The following SLC35F1 variants were observed in gnomAD, a reference collection of about 807,000 sequenced individuals.
The protein encoded by SLC35F1 is solute carrier family 35 member F1, also known as chromosome 6 open reading frame 169.
A neutral mutation model predicts 48.7 loss-of-function variants in SLC35F1; 14 were observed. The ratio of observed to expected loss-of-function variants is 0.29; its 90% confidence interval spans 0.19 to 0.45. The LOEUF is 0.45. Ranked by LOEUF, SLC35F1 falls within the 20% of genes least tolerant of loss-of-function variation. The pLI is 1.00. For synonymous variants in SLC35F1, 190 were observed against 202.2 expected, an observed-to-expected ratio of 0.94 and a Z score of 0.51; for missense variants, 404 against 500.0, an observed-to-expected ratio of 0.81 and a Z score of 1.83.
rs149078036 is a variant in SLC35F1, at chr6:118,239,889, C to A, written c.477+4253C>A. On this transcript the variant is annotated intron_variant, in intron 3 of 7. Coordinates refer to ENST00000360388, the MANE Select transcript of SLC35F1 (RefSeq NM_001029858.4). ...ATTTTTCCACCTATAACAAATAAAT[C>A]TATTAAATAATAAGTGATCAGAACA... Among the ~76,000 whole-genome samples, 15 of 152,234 alleles carry A rather than the reference C, an allele frequency of 9.9e-5. No homozygotes were observed. The East Asian group carries it at 2.9e-3, about 29-fold the overall frequency.
intron 2 of SLC35F1, among the ~76,000 whole-genome samples, chr6:118,230,459 A>G (rs1775278353): frequency 6.6e-6 from 1 of 152,250 alleles, no homozygotes; most frequent in African/African-American, 2.4e-5. Flanking sequence ...CTCATAAAAC[A>G]TAATAGTAGA....
chr6:118,192,421 A>G (rs1390103070), intron 2 of SLC35F1, among the ~76,000 whole-genome samples: 1 of 152,148 alleles, frequency 6.6e-6, no homozygotes, highest in Non-Finnish European at 1.5e-5. Context: ...TGTATTCAAG[A>G]GTGCTTTTCA....
rs1245869605 is a variant in SLC35F1, at chr6:117,980,293, A to G, written c.173+72394A>G. 2.0e-5 allele frequency among the ~76,000 whole-genome samples: 3 copies of G among 152,320 alleles called. No individual in the cohort carries two copies. The South Asian group carries it at 6.2e-4, about 32-fold the overall frequency. On this transcript the variant is annotated intron_variant, in intron 1 of 7. Transcript: ENST00000360388. ...CTGGGATTCCAGGATGCACATCATT[A>G]AAGAAATGTAAGGGGTGGCAGGAGG...
intron 2 of SLC35F1, among the ~76,000 whole-genome samples, chr6:118,215,505 A>C (rs1295820861): frequency 4.6e-5 from 7 of 151,872 alleles, no homozygotes; most frequent in Non-Finnish European, 1.0e-4. Flanking sequence ...AGAGGAGCTC[A>C]TGAGTGTTTT....
In SLC35F1 at chr6:117,999,123, A is replaced by G. The variant is rs978234445; in HGVS notation, c.173+91224A>G. On this transcript the variant is annotated intron_variant, in intron 1 of 7. Coordinates refer to ENST00000360388, the MANE Select transcript of SLC35F1 (RefSeq NM_001029858.4). ...AACATGCGCTTTGCCAAGAAGCACA[A>G]CAAAAAGGGCCTAAAGAAGATGCAG... The G allele has an allele frequency of 6.5e-5, 103 of 1,590,614 alleles. No individual in the cohort carries two copies. The Admixed American group carries it at 1.7e-3, about 26-fold the overall frequency.
intron 1 of SLC35F1, among the ~76,000 whole-genome samples, chr6:117,954,233 A>G (rs932993373): frequency 2.6e-5 from 4 of 152,132 alleles, no homozygotes; most frequent in African/African-American, 9.7e-5. Flanking sequence ...ATGGTGACCA[A>G]GAAGACAAGA....
intron 6 of SLC35F1, among the ~76,000 whole-genome samples, chr6:118,281,192 C>CTT (rs1775979391): frequency 1.6e-5 from 2 of 123,294 alleles, no homozygotes; most frequent in Non-Finnish European, 3.6e-5. Flanking sequence ...CTCTCTCTCT[C>CTT]TCTCTCTCTC....
At chr6:118,217,019 T>C (rs1479615095) in intron 2 of SLC35F1, among the ~76,000 whole-genome samples, 1 of 152,110 alleles carries the variant, frequency 6.6e-6, no homozygotes, top group African/African-American at 2.4e-5. Context: ...TGTGGATGAC[T>C]ACAAAGAAGA....
Position 118,315,594 on chromosome 6 carries a change from G to A in SLC35F1, c.*1342G>A, listed in dbSNP as rs9489335. 4.6e-5 allele frequency: 7 copies of A among 151,838 alleles called. No homozygotes were observed. Among genetic ancestry groups the A allele is most frequent in the African/African-American group, 1.4e-4 (6 of 41,424 alleles). 9.4% of individuals were successfully genotyped at this position (151,838 alleles called of 1,614,324 possible). A position where few individuals can be genotyped will look rare whatever the true frequency, so the allele number is the denominator to read the frequency against. On this transcript the variant is annotated 3_prime_UTR_variant, in exon 8 of 8. Transcript: ENST00000360388. ...AGCTGGGACTACAGGCACCTGCCAC[G>A]ACGCCCAGCTAATTTTTTGTATTTT... is the stretch of plus-strand genomic sequence containing the variant.
At chr6:118,070,906 A>ATATAC (rs1401494588) in intron 1 of SLC35F1, among the ~76,000 whole-genome samples, 3 of 5,552 alleles carry the variant, frequency 5.4e-4, no homozygotes, top group Non-Finnish European at 1.3e-3. Context: ...TATATACTAT[A>ATATAC]TATATATACA....
chr6:118,167,698 A>T (rs1484373391), intron 2 of SLC35F1, among the ~76,000 whole-genome samples: 1 of 152,182 alleles, frequency 6.6e-6, no homozygotes, highest in Non-Finnish European at 1.5e-5. Flanking sequence ...TTAAGACATT[A>T]CTGTACCCTA....
At chr6:118,056,527 A>G (rs944063937) in intron 1 of SLC35F1, among the ~76,000 whole-genome samples, 3 of 152,200 alleles carry the variant, frequency 2.0e-5, no homozygotes, top group Admixed American at 1.3e-4. Context: ...CTTTGAAACT[A>G]TAAATATTCA....
intron 2 of SLC35F1, among the ~76,000 whole-genome samples, chr6:118,219,087 G>A (rs1022171877): frequency 2.6e-5 from 4 of 152,112 alleles, no homozygotes; most frequent in Admixed American, 6.6e-5. Flanking sequence ...GTCATTGGCA[G>A]TGCACAGGAG....
At chr6:117,916,111 G>A (rs1269286872) in intron 1 of SLC35F1, among the ~76,000 whole-genome samples, 3 of 152,184 alleles carry the variant, frequency 2.0e-5, no homozygotes, top group African/African-American at 7.2e-5. Flanking sequence ...CAGACCGTGG[G>A]CTATGGATGC....
chr6:118,267,110 G>T lies in SLC35F1; in HGVS notation c.593G>T (p.Cys198Phe). The T allele has an allele frequency of 6.2e-7, 1 of 1,614,048 alleles. No homozygotes were observed. Among genetic ancestry groups the T allele is most frequent in the Non-Finnish European group, 8.5e-7 (1 of 1,179,934 alleles). Residue 198 changes from cysteine (C) to phenylalanine (F), a missense_variant, in exon 4 of 8, where the codon TGC (cysteine) becomes TTC (phenylalanine). Around this residue, in one of 2 missense-constraint regions of SLC35F1, gnomAD observed 306 missense variants for 419.1 expected, o/e 0.73. Coordinates refer to ENST00000360388, the MANE Select transcript of SLC35F1 (RefSeq NM_001029858.4). ...GTTGTCTGCATCCTGGGAATGGGCTGCATGGTGGGAGCAGATGTGCTTGTG... is the reference window on the plus strand; with the variant it reads ...GTTGTCTGCATCCTGGGAATGGGCTTCATGGTGGGAGCAGATGTGCTTGTG... Reference protein sequence around the residue: ...GIVVCILGMGCMVGADVLVGR... With the variant: ...GIVVCILGMGFMVGADVLVGR...
chr6:117,944,560 G>A lies in SLC35F1; in HGVS notation c.173+36661G>A, dbSNP rs2114822276. ...AAAAGCTTTCAAGTTTGTTTTTTGA[G>A]ATCCCCCTCTCCCAAAACACACACA... On this transcript the variant is annotated intron_variant, in intron 1 of 7. Transcript: ENST00000360388. Among the ~76,000 whole-genome samples, 3 of 148,022 alleles carry A rather than the reference G, an allele frequency of 2.0e-5. No individual in the cohort carries two copies. In the South Asian group the frequency reaches 6.5e-4, roughly 32 times the overall value.
intron 1 of SLC35F1, among the ~76,000 whole-genome samples, chr6:118,079,428 A>C (rs1377237219): frequency 6.6e-6 from 1 of 152,146 alleles, no homozygotes; most frequent in Admixed American, 6.5e-5. Context: ...GGTTACTTTC[A>C]TATTTTTGGC....
intron 1 of SLC35F1, among the ~76,000 whole-genome samples, chr6:117,989,493 T>C (rs1223619556): frequency 6.6e-6 from 1 of 152,354 alleles, no homozygotes; most frequent in East Asian, 1.9e-4. Context: ...GTTTTCATTT[T>C]GAGGCAGCTT....
chr6:118,110,283 A>G (rs1773380857), intron 1 of SLC35F1, among the ~76,000 whole-genome samples: 1 of 152,214 alleles, frequency 6.6e-6, no homozygotes. Flanking sequence ...GCCCTGAAAA[A>G]TGGAGAAATG....
Sources: gnomAD v4.1 joint callset for allele counts (sites outside exome capture counted in the v4.1 genomes callset) on GRCh38, gnomAD v4.1.1 for gene constraint, gnomAD v4.1.1 regional missense constraint, MANE v1.5 for transcripts, NCBI Gene and HGNC (gene_info 2026-07-23, HGNC 2026-07-21) for gene names.